Variants in TBCA observed in about 807,000 individuals in gnomAD.
TBCA encodes tubulin-specific chaperone A.
Under a neutral mutation model 15.8 loss-of-function variants are expected in TBCA, and 6 were observed. That is an observed-to-expected ratio of 0.38 (90% confidence interval 0.21 to 0.75). The LOEUF (loss-of-function observed/expected upper bound fraction) is 0.75. Among genes scored for constraint, TBCA ranks in the 30% least tolerant of loss-of-function variants. The probability of loss-of-function intolerance (pLI) is 0.46; values close to 1 mark genes in which losing one functional copy is unlikely to be tolerated. For missense variants in TBCA, 90 were observed against 131.2 expected, an observed-to-expected ratio of 0.69 and a Z score of 1.53; for synonymous variants, 32 against 42.3, an observed-to-expected ratio of 0.76 and a Z score of 0.94.
At chr5:77,704,726 A>T (rs1746107515) in intron 2 of TBCA, among the ~76,000 whole-genome samples, 1 of 152,208 alleles carries the variant, frequency 6.6e-6, no homozygotes, top group African/African-American at 2.4e-5. Flanking sequence ...AAAAGAAATT[A>T]AGAAATGTAT....
At chr5:77,697,902 G>T (rs1430635218) in intron 2 of TBCA, among the ~76,000 whole-genome samples, 3 of 152,054 alleles carry the variant, frequency 2.0e-5, no homozygotes, top group Admixed American at 1.3e-4. Flanking sequence ...GGTTGGGGCA[G>T]GCAGATCGCT....
chr5:77,704,188 C>G (rs1484608713), intron 2 of TBCA, among the ~76,000 whole-genome samples: 1 of 152,130 alleles, frequency 6.6e-6, no homozygotes, highest in East Asian at 1.9e-4. Flanking sequence ...CCAGGCTAGT[C>G]TCAAATTCTG....
At chr5:77,760,059 A>G (rs1747574357) in intron 1 of TBCA, among the ~76,000 whole-genome samples, 1 of 152,192 alleles carries the variant, frequency 6.6e-6, no homozygotes, top group Admixed American at 6.5e-5. Flanking sequence ...TCTCCCTTTT[A>G]TCCTCCTTAA....
intron 2 of TBCA, among the ~76,000 whole-genome samples, chr5:77,702,772 G>A (rs1461230206): frequency 1.3e-5 from 2 of 152,128 alleles, no homozygotes; most frequent in Non-Finnish European, 2.9e-5. Flanking sequence ...AATATCTTTT[G>A]GAATTTCCTG....
chr5:77,773,300 C>T (rs1317741536), intron 1 of TBCA, among the ~76,000 whole-genome samples: 1 of 152,082 alleles, frequency 6.6e-6, no homozygotes, highest in Non-Finnish European at 1.5e-5. Flanking sequence ...GGTCCTTTTC[C>T]TTGCATTGCC....
At chr5:77,773,319 GT>G (rs373616080) in intron 1 of TBCA, among the ~76,000 whole-genome samples, 57 of 147,068 alleles carry the variant, frequency 3.9e-4, no homozygotes, top group African/African-American at 1.4e-3. Context: ...CCACTAACTA[GT>G]AGTGTGACTT....
Position 77,693,294 on chromosome 5 carries a change from G to A in TBCA, c.218C>T (p.Ala73Val). Residue 73 changes from alanine (A) to valine (V), a missense_variant, in exon 3 of 4, where the codon GCC becomes GTC. Transcript: ENST00000380377. ...MIPDCQRRLEAAYLDLQRILE... is the reference protein window; with the variant it reads ...MIPDCQRRLEVAYLDLQRILE... ...TATCCGTTGAAGATCCAAATATGCG[G>A]CTTCCAACCTGCGCTGGCAATCTGG... is the stretch of plus-strand genomic sequence containing the variant. 3.1e-6 allele frequency: 5 copies of A among 1,613,902 alleles called. No homozygotes were observed. The highest frequency in any genetic ancestry group is 4.2e-6 in the Non-Finnish European group (5 of 1,179,954).
chr5:77,773,084 T>A (rs1747948873), intron 1 of TBCA, among the ~76,000 whole-genome samples: 1 of 152,164 alleles, frequency 6.6e-6, no homozygotes. Flanking sequence ...CCAAATATAC[T>A]GACTAAAATG....
At chr5:77,745,239 A>C (rs1747160279) in intron 1 of TBCA, among the ~76,000 whole-genome samples, 2 of 152,222 alleles carry the variant, frequency 1.3e-5, no homozygotes, top group African/African-American at 4.8e-5. Context: ...GTATTCAATA[A>C]AACAAGTATA....
intron 1 of TBCA, among the ~76,000 whole-genome samples, chr5:77,767,495 T>G (rs1274979397): frequency 6.6e-6 from 1 of 152,242 alleles, no homozygotes; most frequent in Non-Finnish European, 1.5e-5. Context: ...CTCACTTGTC[T>G]ACTCTTCCCC....
intron 1 of TBCA, among the ~76,000 whole-genome samples, chr5:77,746,627 TTTTG>T (rs1251593548): frequency 1.3e-5 from 2 of 152,226 alleles, no homozygotes; most frequent in South Asian, 2.1e-4. Flanking sequence ...CTCATGAATA[TTTTG>T]TTTCTTTTTT....
rs2112417714 is a variant in TBCA at position 77,693,446 on chromosome 5, CAG to C, written c.160-96_160-95del. 2.2e-6 allele frequency: 3 copies of C among 1,377,922 alleles called. No individual in the cohort carries two copies. In the South Asian group the frequency reaches 4.2e-5, roughly 19 times the overall value. The allele number at this position is 1,377,922 out of a possible 1,614,324, so 85.4% of individuals were successfully genotyped here. On this transcript the variant is annotated intron_variant, in intron 2 of 3. Transcript: ENST00000380377. The stretch of plus-strand genomic sequence containing the variant: ...TAAGTATATCCTTATTAAGAGGAAT[CAG>C]AAAAAAGTTATGGTTATGTTAAATG...
rs1024370163 is a variant in TBCA, at chr5:77,770,536, C to T, written c.53+5669G>A. On this transcript the variant is annotated intron_variant, in intron 1 of 3. Transcript: ENST00000380377. ...TCCTGGGAAACCCCTCAGTCTCAGG[C>T]AAACTGTGATAATTGATGCCACCTA... Among the ~76,000 whole-genome samples the T allele has an allele frequency of 2.0e-5, 3 of 151,600 alleles. No individual in the cohort carries two copies. The South Asian group carries it at 6.2e-4, about 32-fold the overall frequency.
intron 2 of TBCA, among the ~76,000 whole-genome samples, chr5:77,707,737 G>C (rs1055722518): frequency 6.6e-6 from 1 of 151,956 alleles, no homozygotes; most frequent in Non-Finnish European, 1.5e-5. Flanking sequence ...GACAATATTT[G>C]TGAATCTAAA....
At chr5:77,695,214 C>G (rs1333813687) in intron 2 of TBCA, among the ~76,000 whole-genome samples, 1 of 152,114 alleles carries the variant, frequency 6.6e-6, no homozygotes, top group Admixed American at 6.6e-5. Context: ...AAAATAACTT[C>G]TATTCATTAA....
chr5:77,700,217 A>G (rs1257381909), intron 2 of TBCA, among the ~76,000 whole-genome samples: 1 of 151,986 alleles, frequency 6.6e-6, no homozygotes, highest in South Asian at 2.1e-4. Flanking sequence ...AACAAAAACA[A>G]AAACAAAAAT....
intron 1 of TBCA, among the ~76,000 whole-genome samples, chr5:77,743,426 G>A (rs1233509901): frequency 2.0e-5 from 3 of 152,240 alleles, no homozygotes; most frequent in African/African-American, 7.2e-5. Context: ...GGAAGTTAGA[G>A]AAAGCTGGAA....
intron 1 of TBCA, among the ~76,000 whole-genome samples, chr5:77,761,723 C>T (rs1373934694): frequency 6.8e-5 from 10 of 147,510 alleles, no homozygotes; most frequent in Admixed American, 4.8e-4. Flanking sequence ...GCTAGTGTAA[C>T]TAAAATGCAG....
chr5:77,719,066 C>T (rs1429358675), intron 1 of TBCA, among the ~76,000 whole-genome samples: 2 of 152,146 alleles, frequency 1.3e-5, no homozygotes, highest in African/African-American at 2.4e-5. Context: ...TCATATCACA[C>T]CTAGCAGAAT....
Sources: allele counts gnomAD v4.1 joint callset (sites outside exome capture counted in the v4.1 genomes callset), GRCh38; gene constraint gnomAD v4.1.1; transcripts MANE v1.5; gene names NCBI Gene and HGNC (gene_info 2026-07-23, HGNC 2026-07-21).